Variants in EDRF1 observed in about 807,000 individuals in gnomAD.
EDRF1 encodes erythroid differentiation regulatory factor 1, also known as erythroid differentiation-related factor 1.
In EDRF1, 69 loss-of-function variants were observed where a neutral mutation model predicts 148.7. The ratio of observed to expected loss-of-function variants is 0.46; its 90% CI spans 0.38 to 0.57. EDRF1 has a LOEUF of 0.57. Ranked by LOEUF, EDRF1 falls within the 20% of genes least tolerant of loss-of-function variation. The pLI, the probability that EDRF1 is intolerant of heterozygous loss-of-function variation, is 0.00. For synonymous variants in EDRF1, 515 were observed against 532.8 expected (o/e 0.97, Z 0.46); for missense variants, 1,118 against 1,478.7 (o/e 0.76, Z 4.00).
In EDRF1 at chr10:125,719,752, G is replaced by C. The variant is rs535003930; in HGVS notation, c.-56G>C. ...GGCGCTTACCCTGCTTTGGGCCTGC[G>C]TTGCTGCTGCTGCTCCTCCGCTCCC... is the stretch of plus-strand genomic sequence containing the variant. On this transcript the variant is annotated 5_prime_UTR_variant, in exon 1 of 25. Coordinates refer to ENST00000356792, the MANE Select transcript of EDRF1 (RefSeq NM_001202438.2). 6.9e-7 allele frequency: 1 copy of C among 1,455,158 alleles called. No homozygotes were observed. Among genetic ancestry groups the C allele is most frequent in the African/African-American group, 1.4e-5 (1 of 71,412 alleles). 90.1% of individuals were successfully genotyped at this position (1,455,158 alleles called of 1,614,324 possible). A position where few individuals can be genotyped will look rare whatever the true frequency, so the allele number is the denominator to read the frequency against.
intron 24 of EDRF1, among the ~76,000 whole-genome samples, chr10:125,759,777 C>G (rs759550082): frequency 6.6e-6 from 1 of 151,840 alleles, no homozygotes; most frequent in Non-Finnish European, 1.5e-5. Context: ...GTGGCGCAAT[C>G]TCGGCTCACT....
intron 6 of EDRF1, among the ~76,000 whole-genome samples, chr10:125,728,186 T>C (rs1848347757): frequency 9.0e-6 from 1 of 111,202 alleles, no homozygotes; most frequent in Non-Finnish European, 2.1e-5. Flanking sequence ...TGGGCAACTC[T>C]GTCTCAAAAA....
intron 24 of EDRF1, among the ~76,000 whole-genome samples, chr10:125,760,616 A>G (rs570251674): frequency 2.6e-5 from 4 of 152,370 alleles, no homozygotes; most frequent in South Asian, 2.1e-4. Flanking sequence ...CTGATGTGCA[A>G]ATGAAAACAT....
At chr10:125,748,344 ATCTT>A (rs1200841784) in intron 21 of EDRF1, 30 of 370,988 alleles carry the variant, frequency 8.1e-5, no homozygotes, top group African/African-American at 6.1e-4. Context: ...AAATGACTAT[ATCTT>A]AGTTTATCTA....
intron 17 of EDRF1, chr10:125,742,274 C>A: frequency 6.2e-6 from 8 of 1,289,314 alleles, no homozygotes; most frequent in Non-Finnish European, 8.1e-6. Context: ...ATCCCTCCCT[C>A]TTACCTCAGC....
chr10:125,755,990 T>A (rs1197346857), intron 24 of EDRF1, among the ~76,000 whole-genome samples: 1 of 152,138 alleles, frequency 6.6e-6, no homozygotes, highest in Non-Finnish European at 1.5e-5. Context: ...CTTCTACTTG[T>A]TTTGGACTTA....
Position 125,740,670 on chromosome 10 carries a change from A to G in EDRF1, c.2170+19A>G, listed in dbSNP as rs1033990735. The G allele has an allele frequency of 5.0e-6, 8 of 1,608,344 alleles. No individual in the cohort carries two copies. In the African/African-American group the frequency reaches 1.1e-4, roughly 21 times the overall value. The stretch of plus-strand genomic sequence containing the variant: ...AGCCATGGTAAGCCACTATAAATGA[A>G]TATGTTTAATAGGCACTGGGAAGAG... On this transcript the variant is annotated intron_variant, in intron 16 of 24. Coordinates refer to ENST00000356792, the MANE Select transcript of EDRF1 (RefSeq NM_001202438.2).
Position 125,729,023 on chromosome 10 carries a change from C to T in EDRF1, c.813C>T (p.Pro271=). The T allele has an allele frequency of 6.3e-7, 1 of 1,582,442 alleles. No homozygotes were observed. The highest frequency in any genetic ancestry group is 8.5e-7 in the Non-Finnish European group (1 of 1,171,726). ...ASSQGSEPLE[P]SYIVGHVASA... ...CACAGGGAAGTGAGCCTCTTGAACC[C>T]TCATACATAGTGGGGCATGTGGCCT... Residue 271 remains proline (P), a synonymous_variant, in exon 7 of 25, where the codon CCC becomes CCT. Transcript: ENST00000356792.
intron 13 of EDRF1, 22 bp downstream of exon 13, chr10:125,735,926 T>C (rs749251506): frequency 6.4e-7 from 1 of 1,573,426 alleles, no homozygotes; most frequent in African/African-American, 1.4e-5. Context: ...GAATTTATAT[T>C]AAATTTTTAT....
intron 4 of EDRF1, among the ~76,000 whole-genome samples, chr10:125,725,066 CT>C (rs551589840): frequency 3.7e-4 from 56 of 152,224 alleles, no homozygotes; most frequent in Non-Finnish European, 4.3e-4. Flanking sequence ...ACTACTGCAG[CT>C]GCTAAGGAAC....
intron 9 of EDRF1, chr10:125,731,744 C>A: frequency 3.2e-6 from 1 of 307,780 alleles, no homozygotes; most frequent in Non-Finnish European, 7.1e-6. Context: ...ATGTACTTTC[C>A]ACTAGAGAGG....
At chr10:125,730,247 T>TGTTC in intron 8 of EDRF1, 41 bp from the exon 9 acceptor site, 1 of 1,427,714 alleles carries the variant, frequency 7.0e-7, no homozygotes, top group Non-Finnish European at 9.9e-7. Context: ...TTAAGGAACA[T>TGTTC]CTTAATTAAA....
rs550579027 is a variant in EDRF1 at position 125,753,742 on chromosome 10, A to C, written c.3442A>C (p.Asn1148His). 1.9e-6 allele frequency: 3 copies of C among 1,613,974 alleles called. No homozygotes were observed. Among genetic ancestry groups the C allele is most frequent in the Non-Finnish European group, 2.5e-6 (3 of 1,180,002 alleles). Reference protein sequence around the residue: ...AAAADASPSLNREEVMKLLSI... With the variant: ...AAAADASPSLHREEVMKLLSI... ...AGCTGCTGATGCTTCTCCTAGTCTCAATCGAGAAGAAGTGATGAAACTCCT... is the reference window on the plus strand; with the variant it reads ...AGCTGCTGATGCTTCTCCTAGTCTCCATCGAGAAGAAGTGATGAAACTCCT... Residue 1148 changes from asparagine (N) to histidine (H), a missense_variant, in exon 24 of 25, where the codon AAT becomes CAT. Physicochemically the swap from Asn to His is moderately conservative, Grantham distance 68. This residue lies in a region of EDRF1 where 954 missense variants were observed against 1,241.4 expected (regional missense o/e 0.77). Coordinates refer to ENST00000356792, the MANE Select transcript of EDRF1 (RefSeq NM_001202438.2).
At chr10:125,749,245 C>G (rs1183934496) in intron 21 of EDRF1, 167 bp from the exon 22 acceptor site, 1 of 735,044 alleles carries the variant, frequency 1.4e-6, no homozygotes, top group Non-Finnish European at 2.2e-6. Context: ...GAGACCCTGT[C>G]TCAAAAAAAA....
chr10:125,756,926 C>A, intron 24 of EDRF1: 1 of 396,442 alleles, frequency 2.5e-6, no homozygotes, highest in Non-Finnish European at 4.9e-6. Flanking sequence ...AATCCCCCAC[C>A]TCAGCCTCTC....
chr10:125,740,424 A>T (rs772324195), intron 15 of EDRF1, 39 bp from the exon 16 acceptor site: 21 of 1,604,110 alleles, frequency 1.3e-5, no homozygotes, highest in Non-Finnish European at 1.1e-5. Context: ...TTACAGTCAA[A>T]TGAAATGTGC....
chr10:125,725,905 A>G, intron 6 of EDRF1, 67 bp downstream of exon 6: 1 of 278,896 alleles, frequency 3.6e-6, no homozygotes, highest in Non-Finnish European at 5.6e-6. Flanking sequence ...ACATCTCGTT[A>G]AAAAAAAAAA....
intron 14 of EDRF1, 59 bp downstream of exon 14, chr10:125,738,048 A>G (rs1410276285): frequency 3.3e-6 from 5 of 1,525,580 alleles, no homozygotes; most frequent in Non-Finnish European, 4.5e-6. Context: ...TATGCAAATT[A>G]CACTTGTTTG....
At chr10:125,733,953 T>A (rs1253076786) in intron 11 of EDRF1, 119 bp from the exon 12 acceptor site, 1 of 952,728 alleles carries the variant, frequency 1.0e-6, no homozygotes, top group Non-Finnish European at 1.7e-6. Context: ...AAGTGTAAAG[T>A]TTAGTATTTT....
Sources: allele counts gnomAD v4.1 joint callset (sites outside exome capture counted in the v4.1 genomes callset), GRCh38; gene constraint gnomAD v4.1.1; regional missense constraint gnomAD v4.1.1; transcripts MANE v1.5; gene names NCBI Gene and HGNC (gene_info 2026-07-23, HGNC 2026-07-21).